The following ST3GAL1 variants were observed in gnomAD, a reference collection of about 807,000 sequenced individuals.
ST3GAL1 encodes the protein CMP-N-acetylneuraminate-beta-galactosamide-alpha-2,3-sialyltransferase 1.
ST3GAL1 carries 16 observed loss-of-function variants against 34.1 expected under a neutral mutation model. That is an observed-to-expected ratio of 0.47 (90% CI 0.32 to 0.71). The LOEUF is 0.71. Ranked by LOEUF, ST3GAL1 falls within the 30% of genes least tolerant of loss-of-function variation. The pLI, the probability that ST3GAL1 is intolerant of heterozygous loss-of-function variation, is 0.04. For synonymous variants in ST3GAL1, 191 were observed against 184.7 expected, an observed-to-expected ratio of 1.03 and a Z score of -0.28; for missense variants, 353 against 447.4, an observed-to-expected ratio of 0.79 and a Z score of 1.90.
At chr8:133,477,214 T>A (rs923372574) in intron 3 of ST3GAL1, among the ~76,000 whole-genome samples, 2 of 152,222 alleles carry the variant, frequency 1.3e-5, no homozygotes, top group African/African-American at 4.8e-5. Flanking sequence ...TATAGAATGG[T>A]TATGAAGATA....
intron 2 of ST3GAL1, among the ~76,000 whole-genome samples, chr8:133,519,525 G>A (rs1180935246): frequency 6.6e-6 from 1 of 152,184 alleles, no homozygotes; most frequent in African/African-American, 2.4e-5. Context: ...TAGCATGGGG[G>A]AAATGCTTTA....
rs1249510565 is a variant in ST3GAL1 at position 133,457,807 on chromosome 8, TCCTC to T, written c.*1953_*1956del. ...TGACCCATGACTGATGTCCCCAAGT[TCCTC>T]CCTCCCCGTGTGCAGAGGGGGCTCC... On this transcript the variant is annotated 3_prime_UTR_variant, in exon 10 of 10. Coordinates refer to ENST00000522652, the MANE Select transcript of ST3GAL1 (RefSeq NM_173344.3). 1 of 151,998 alleles carries T rather than the reference TCCTC, an allele frequency of 6.6e-6. No homozygotes were observed. The highest frequency in any genetic ancestry group is 1.5e-5 in the Non-Finnish European group (1 of 68,016). 9.4% of individuals were successfully genotyped at this position (151,998 alleles called of 1,614,324 possible).
chr8:133,497,455 AATTTTTTTTTTT>A (rs1451761196), intron 3 of ST3GAL1, among the ~76,000 whole-genome samples: 4 of 101,240 alleles, frequency 4.0e-5, no homozygotes, highest in Admixed American at 1.2e-4. Context: ...ATTTTGTTGG[AATTTTTTTTTTT>A]TTTTTTTTTT....
At position 133,519,355 on chromosome 8, in the gene ST3GAL1, T is replaced by C. The variant is rs1369530875; in HGVS notation, c.-428-20166A>G. Among the ~76,000 whole-genome samples the C allele has an allele frequency of 4.6e-5, 7 of 152,176 alleles. No individual in the cohort carries two copies. In the East Asian group the frequency reaches 9.7e-4, roughly 21 times the overall value. Reference sequence around the variant, plus strand: ...TAATGGAGGTACAGGTGCAAGGACGTACCTGGAGGTACAGAGGCAGGTTAC... The same window carrying C: ...TAATGGAGGTACAGGTGCAAGGACGCACCTGGAGGTACAGAGGCAGGTTAC... On this transcript the variant is annotated intron_variant, in intron 2 of 9. Coordinates refer to ENST00000522652, the MANE Select transcript of ST3GAL1 (RefSeq NM_173344.3).
At chr8:133,557,710 T>G (rs145496867) in intron 1 of ST3GAL1, among the ~76,000 whole-genome samples, 1 of 151,934 alleles carries the variant, frequency 6.6e-6, no homozygotes, top group Non-Finnish European at 1.5e-5. Context: ...TAGCCAGGCG[T>G]GGTGGCGCGT....
At chr8:133,545,299 C>A (rs1254831209) in intron 2 of ST3GAL1, among the ~76,000 whole-genome samples, 1 of 152,222 alleles carries the variant, frequency 6.6e-6, no homozygotes, top group Non-Finnish European at 1.5e-5. Flanking sequence ...GTGAAAACAG[C>A]CATACATGAC....
Position 133,489,168 on chromosome 8 carries a change from G to GT in ST3GAL1, c.-374+9966dup, listed in dbSNP as rs531595428. 2.1e-4 allele frequency among the ~76,000 whole-genome samples: 32 copies of GT among 152,272 alleles called. 1 individual carries two copies. In the South Asian group the frequency reaches 4.6e-3, roughly 22 times the overall value. ...CCCCAGGGACTGCACCACACTTGCT[G>GT]TTTCCTACACCACACTATGACCTTG... is the stretch of plus-strand genomic sequence containing the variant. On this transcript the variant is annotated intron_variant, in intron 3 of 9. Coordinates refer to ENST00000522652, the MANE Select transcript of ST3GAL1 (RefSeq NM_173344.3).
intron 2 of ST3GAL1, among the ~76,000 whole-genome samples, chr8:133,521,243 C>T (rs1448223326): frequency 6.7e-6 from 1 of 148,310 alleles, no homozygotes; most frequent in African/African-American, 2.5e-5. Context: ...AAGCAATTTT[C>T]CTGCCTCAGC....
At chr8:133,504,508 G>A (rs1381797656) in intron 2 of ST3GAL1, among the ~76,000 whole-genome samples, 1 of 152,234 alleles carries the variant, frequency 6.6e-6, no homozygotes, top group Non-Finnish European at 1.5e-5. Context: ...GGGTAGTGAA[G>A]TGGGAAGTCA....
At chr8:133,491,668 T>G (rs1264362848) in intron 3 of ST3GAL1, among the ~76,000 whole-genome samples, 2 of 152,170 alleles carry the variant, frequency 1.3e-5, no homozygotes, top group Non-Finnish European at 2.9e-5. Flanking sequence ...GTGTCCCTAA[T>G]GGGGATTAAG....
chr8:133,466,997 A>G lies in ST3GAL1; in HGVS notation c.307-907T>C, dbSNP rs1055098318. 1.3e-5 allele frequency among the ~76,000 whole-genome samples: 2 copies of G among 152,012 alleles called. No homozygotes were observed. Among genetic ancestry groups the G allele is most frequent in the African/African-American group, 2.4e-5 (1 of 41,388 alleles). ...GTAGTCCCAGCTACTTGGGAGGCTG[A>G]AGTGGGAGAATCTCTTGAACCCGGA... On this transcript the variant is annotated intron_variant, in intron 5 of 9. Coordinates refer to ENST00000522652, the MANE Select transcript of ST3GAL1 (RefSeq NM_173344.3). This position sits in a 1 kb window ranked among gnomAD's most constrained non-coding sequence, Gnocchi z 4.4.
intron 8 of ST3GAL1, among the ~76,000 whole-genome samples, chr8:133,462,780 G>T (rs1815559687): frequency 6.6e-6 from 1 of 152,200 alleles, no homozygotes; most frequent in African/African-American, 2.4e-5. Context: ...CACATAAGTG[G>T]CTTCTTCCCT....
chr8:133,469,409 C>A lies in ST3GAL1; in HGVS notation c.307-3319G>T, dbSNP rs1044373057. On this transcript the variant is annotated intron_variant, in intron 5 of 9. Coordinates refer to ENST00000522652, the MANE Select transcript of ST3GAL1 (RefSeq NM_173344.3). This position sits in a 1 kb window ranked among gnomAD's most constrained non-coding sequence, Gnocchi z 4.3. ...AATTTTTGTATTTTTAGTAGAAACA[C>A]GGTTTCACCATGTTGGCCAGGCTGG... Among the ~76,000 whole-genome samples, 1 of 151,948 alleles carries A rather than the reference C, an allele frequency of 6.6e-6. No individual in the cohort carries two copies. The highest frequency in any genetic ancestry group is 2.4e-5 in the African/African-American group (1 of 41,364).
At chr8:133,550,520 C>T (rs1000425336) in intron 1 of ST3GAL1, among the ~76,000 whole-genome samples, 9 of 152,162 alleles carry the variant, frequency 5.9e-5, no homozygotes, top group South Asian at 4.1e-4. Context: ...GGGCCTTAGA[C>T]CCGGGGTTCA....
At position 133,467,264 on chromosome 8, in the gene ST3GAL1, G is replaced by A. The variant is rs759730555; in HGVS notation, c.307-1174C>T. Among the ~76,000 whole-genome samples the A allele has an allele frequency of 1.1e-4, 16 of 152,152 alleles. No individual in the cohort carries two copies. The highest frequency in any genetic ancestry group is 1.8e-4 in the Non-Finnish European group (12 of 68,030). On this transcript the variant is annotated intron_variant, in intron 5 of 9. Coordinates refer to ENST00000522652, the MANE Select transcript of ST3GAL1 (RefSeq NM_173344.3). This position sits in a 1 kb window ranked among gnomAD's most constrained non-coding sequence, Gnocchi z 4.2. ...TGAGTTGGTATCCCTATTGGCCCCC[G>A]GTGGTTTCACTATTGGCCCCCGCTG...
At chr8:133,547,122 A>C (rs529043067) in intron 1 of ST3GAL1, among the ~76,000 whole-genome samples, 1 of 152,310 alleles carries the variant, frequency 6.6e-6, no homozygotes, top group East Asian at 1.9e-4. Flanking sequence ...CACACTCTGC[A>C]GTGTGGCTTT....
chr8:133,476,639 G>A (rs1165785126), intron 3 of ST3GAL1, 39 bp from the exon 4 acceptor site: 1 of 152,286 alleles, frequency 6.6e-6, no homozygotes, highest in Non-Finnish European at 1.5e-5. Flanking sequence ...GTGAGATTCT[G>A]TGATCCTGCT....
At chr8:133,471,452 A>G (rs9643297) in intron 5 of ST3GAL1, among the ~76,000 whole-genome samples, 64,609 of 152,066 alleles carry the variant, frequency 0.42, 14,895 homozygotes, top group East Asian at 0.66. Flanking sequence ...CCTATGCAGG[A>G]CCCTGTGCTG....
At chr8:133,551,350 C>T (rs1818829714) in intron 1 of ST3GAL1, among the ~76,000 whole-genome samples, 2 of 151,946 alleles carry the variant, frequency 1.3e-5, no homozygotes, top group Non-Finnish European at 2.9e-5. Flanking sequence ...CACCTGTAGT[C>T]CCAGCTACTG....
Sources: allele counts gnomAD v4.1 joint callset (sites outside exome capture counted in the v4.1 genomes callset), GRCh38; gene constraint gnomAD v4.1.1; non-coding constraint Gnocchi (gnomAD v3.1); transcripts MANE v1.5; gene names NCBI Gene and HGNC (gene_info 2026-07-23, HGNC 2026-07-21).